MPDZ: variants seen among roughly 807,000 people sequenced by gnomAD.
MPDZ encodes multiple PDZ domain protein.
Under a neutral mutation model 239.1 loss-of-function variants are expected in MPDZ, and 234 were observed. The ratio of observed to expected loss-of-function variants is 0.98; its 90% CI spans 0.88 to 1.09. MPDZ has a LOEUF of 1.09. Among genes scored for constraint, MPDZ ranks in the 50% least tolerant of loss-of-function variants. The pLI is 0.00. For synonymous variants in MPDZ, 1,048 were observed against 881.3 expected, an observed-to-expected ratio of 1.19 and a Z score of -3.35; for missense variants, 3,175 against 2,510.0, an observed-to-expected ratio of 1.26 and a Z score of -5.66.
intron 1 of MPDZ, chr9:13,276,535 A>C (rs1039056773): frequency 6.6e-6 from 1 of 152,210 alleles, no homozygotes. Context: ...TCAAAAGTAC[A>C]TACAACTGTT....
chr9:13,106,162 C>T lies in MPDZ; in HGVS notation c.*803G>A, dbSNP rs890431437. On this transcript the variant is annotated 3_prime_UTR_variant, in exon 47 of 47. Coordinates refer to ENST00000319217, the MANE Select transcript of MPDZ (RefSeq NM_001378778.1). ...AAAGATTCTGGAACCCTTCTATGTTCCTCTATGGTTAGCAGCATAGTTGCT... is the reference window on the plus strand; with the variant it reads ...AAAGATTCTGGAACCCTTCTATGTTTCTCTATGGTTAGCAGCATAGTTGCT... 1 of 152,114 alleles carries T rather than the reference C, an allele frequency of 6.6e-6. No individual in the cohort carries two copies. The highest frequency in any genetic ancestry group is 6.5e-5 in the Admixed American group (1 of 15,272). The allele number at this position is 152,114 out of a possible 1,614,324, so 9.4% of individuals were successfully genotyped here. A position where few individuals can be genotyped will look rare whatever the true frequency, so the allele number is the denominator to read the frequency against.
intron 19 of MPDZ, among the ~76,000 whole-genome samples, chr9:13,180,284 T>A (rs2134358569): frequency 6.6e-6 from 1 of 152,318 alleles, no homozygotes; most frequent in Non-Finnish European, 1.5e-5. Context: ...ATCCGTTAGT[T>A]GAGTTGACGT....
intron 3 of MPDZ, among the ~76,000 whole-genome samples, chr9:13,240,769 A>C (rs13285242): frequency 6.6e-6 from 1 of 151,956 alleles, no homozygotes; most frequent in Non-Finnish European, 1.5e-5. Flanking sequence ...TAAATGAGGC[A>C]AAGTCTATAG....
chr9:13,251,863 T>C (rs1242976527), intron 1 of MPDZ, among the ~76,000 whole-genome samples: 1 of 152,164 alleles, frequency 6.6e-6, no homozygotes, highest in Non-Finnish European at 1.5e-5. Context: ...TTTTAAAAAG[T>C]GCCTTTGTGT....
intron 21 of MPDZ, among the ~76,000 whole-genome samples, chr9:13,174,361 T>C (rs1047588938): frequency 3.9e-5 from 6 of 152,198 alleles, no homozygotes; most frequent in African/African-American, 1.4e-4. Context: ...TTAAAATAAA[T>C]GTTTGCTAGT....
At chr9:13,172,806 C>T (rs1001571284) in intron 21 of MPDZ, among the ~76,000 whole-genome samples, 1 of 152,118 alleles carries the variant, frequency 6.6e-6, no homozygotes, top group South Asian at 2.1e-4. Context: ...GACACTTCTA[C>T]CTTTCACTGT....
intron 1 of MPDZ, among the ~76,000 whole-genome samples, chr9:13,254,384 T>C (rs113787352): frequency 0.036 from 5,461 of 152,282 alleles, 259 homozygotes; most frequent in African/African-American, 0.11. Context: ...TAAATAGTTA[T>C]TCAAAGTACA....
chr9:13,223,199 G>A (rs750741474), intron 5 of MPDZ, among the ~76,000 whole-genome samples: 17 of 151,830 alleles, frequency 1.1e-4, no homozygotes, highest in Non-Finnish European at 1.9e-4. Context: ...ATACTGAGGG[G>A]CAACTATATT....
chr9:13,125,301 A>C lies in MPDZ; in HGVS notation c.4722T>G (p.Ala1574=), dbSNP rs1379260051. ...TCTTTTTTTCTCCACTGGCTGCACC[A>C]GCTGCTGAAGGAACAGCCTGGGAAT... ...NPDSQAVPSA[A]GAASGEKKNS... is the part of the protein sequence containing the mutation. Residue 1574 remains alanine, a synonymous_variant, in exon 35 of 47, where the codon GCT becomes GCG. Transcript: ENST00000319217. The C allele has an allele frequency of 6.2e-7, 1 of 1,613,864 alleles. No homozygotes were observed. The highest frequency in any genetic ancestry group is 1.1e-5 in the South Asian group (1 of 91,076).
intron 26 of MPDZ, 58 bp from the exon 27 acceptor site, chr9:13,143,622 TTTTA>T: frequency 7.2e-7 from 1 of 1,381,830 alleles, no homozygotes; most frequent in Non-Finnish European, 1.0e-6. Flanking sequence ...AACAACTCAG[TTTTA>T]AAAGCAAAGT....
chr9:13,126,559 A>G lies in MPDZ; in HGVS notation c.4589T>C (p.Leu1530Pro). ...DGRLKVGDQI[L>P]AVDDEIVVGY... Reference sequence around the variant, plus strand: ...AACAACAATTTCATCATCTACAGCCAGTATCTGATCTCCGACTTTGAGTCG... The same window carrying G: ...AACAACAATTTCATCATCTACAGCCGGTATCTGATCTCCGACTTTGAGTCG... The change falls in exon 34 of 47, where the codon CTG becomes CCG. Residue 1530 changes from leucine (L) to proline (P), a missense_variant. Transcript: ENST00000319217. 6.3e-7 allele frequency: 1 copy of G among 1,588,298 alleles called. No individual in the cohort carries two copies. The highest frequency in any genetic ancestry group is 8.6e-7 in the Non-Finnish European group (1 of 1,166,042).
chr9:13,225,242 C>G (rs1960179890), intron 3 of MPDZ, among the ~76,000 whole-genome samples: 1 of 151,894 alleles, frequency 6.6e-6, no homozygotes, highest in Non-Finnish European at 1.5e-5. Flanking sequence ...TTACAGTAAG[C>G]TAAGGTTAAT....
At chr9:13,174,817 A>G (rs973859643) in intron 21 of MPDZ, among the ~76,000 whole-genome samples, 5 of 152,192 alleles carry the variant, frequency 3.3e-5, no homozygotes, top group Admixed American at 2.0e-4. Context: ...ATCTGCTACA[A>G]TTCTGTTTAG....
At chr9:13,176,544 A>G in intron 19 of MPDZ, 127 bp from the exon 20 acceptor site, 1 of 841,450 alleles carries the variant, frequency 1.2e-6, no homozygotes, top group Non-Finnish European at 1.7e-6. Context: ...TTTATTACTC[A>G]AAAAGCATTA....
intron 24 of MPDZ, among the ~76,000 whole-genome samples, chr9:13,152,323 C>G (rs1208698551): frequency 6.6e-6 from 1 of 152,154 alleles, no homozygotes; most frequent in African/African-American, 2.4e-5. Flanking sequence ...TCACCCAAAT[C>G]TCAATTTAAA....
At chr9:13,180,402 A>G (rs964677515) in intron 19 of MPDZ, among the ~76,000 whole-genome samples, 7 of 152,190 alleles carry the variant, frequency 4.6e-5, no homozygotes, top group Admixed American at 3.3e-4. Flanking sequence ...GATAGACACC[A>G]CATTGGTAAC....
chr9:13,159,317 T>C (rs375196902), intron 23 of MPDZ, among the ~76,000 whole-genome samples: 1 of 152,270 alleles, frequency 6.6e-6, no homozygotes, highest in African/African-American at 2.4e-5. Context: ...TGGTTTTGTG[T>C]TTGAATTTCC....
In MPDZ at chr9:13,217,290, T is replaced by G; in HGVS notation, c.1091A>C (p.Asp364Ala). 6.3e-7 allele frequency: 1 copy of G among 1,576,296 alleles called. No individual in the cohort carries two copies. The highest frequency in any genetic ancestry group is 8.6e-7 in the Non-Finnish European group (1 of 1,156,712). ...SPTSTPELRV[D>A]ASTQKGEESE... ...TTCTTCACCTTTCTGAGTAGAAGCA[T>G]CAACCTAAAATAAAATCAATAAATA... The change falls in exon 9 of 47, where the codon GAT becomes GCT. Residue 364 changes from aspartate (D) to alanine (A), a missense_variant. By Grantham distance (126) the Asp-to-Ala change is moderately radical. Transcript: ENST00000319217.
At chr9:13,199,072 T>C (rs1328796049) in intron 12 of MPDZ, among the ~76,000 whole-genome samples, 1 of 151,892 alleles carries the variant, frequency 6.6e-6, no homozygotes, top group Non-Finnish European at 1.5e-5. Flanking sequence ...TTCATAGGTA[T>C]GGCAATGAAT....
Sources: allele counts gnomAD v4.1 joint callset (sites outside exome capture counted in the v4.1 genomes callset), GRCh38; gene constraint gnomAD v4.1.1; transcripts MANE v1.5; gene names NCBI Gene and HGNC (gene_info 2026-07-23, HGNC 2026-07-21).